HNF4G: variants seen among roughly 807,000 people sequenced by gnomAD.
The protein encoded by HNF4G is hepatocyte nuclear factor 4-gamma.
In HNF4G, 21 loss-of-function variants were observed where a neutral mutation model predicts 50.9. The ratio of observed to expected loss-of-function variants is 0.41; its 90% CI spans 0.29 to 0.59. The LOEUF (loss-of-function observed/expected upper bound fraction) is 0.59. Ranked by LOEUF, HNF4G falls within the 20% of genes least tolerant of loss-of-function variation. HNF4G has a pLI of 0.26. For synonymous variants in HNF4G, 198 were observed against 185.6 expected, an observed-to-expected ratio of 1.07 and a Z score of -0.54; for missense variants, 527 against 559.4, an observed-to-expected ratio of 0.94 and a Z score of 0.58.
intron 3 of HNF4G, among the ~76,000 whole-genome samples, chr8:75,548,919 G>A (rs1009373370): frequency 7.9e-5 from 12 of 152,198 alleles, no homozygotes; most frequent in African/African-American, 2.9e-4. Flanking sequence ...CAAAATTAAA[G>A]GAGAAGCACT....
intron 1 of HNF4G, among the ~76,000 whole-genome samples, chr8:75,439,693 T>C (rs573308875): frequency 2.6e-5 from 4 of 152,180 alleles, no homozygotes; most frequent in Non-Finnish European, 5.9e-5. Flanking sequence ...AGTTCACATA[T>C]ATTAAATCAT....
rs191182043 is a variant in HNF4G, at chr8:75,505,072, A to G, written c.-24+14864A>G. 2.2e-3 allele frequency among the ~76,000 whole-genome samples: 338 copies of G among 152,260 alleles called. 2 individuals are homozygous for G. Among genetic ancestry groups the G allele is most frequent in the African/African-American group, 7.9e-3 (327 of 41,570 alleles). On this transcript the variant is annotated intron_variant, in intron 2 of 10. Transcript: ENST00000354370. ...AGTATCACTGAGAAATTTTCTTTTC[A>G]GAGGGTTTTATGGATAATTTACTAG...
chr8:75,450,926 C>A (rs1316343285), intron 1 of HNF4G, among the ~76,000 whole-genome samples: 1 of 152,114 alleles, frequency 6.6e-6, no homozygotes, highest in African/African-American at 2.4e-5. Flanking sequence ...GTCTTTCCAC[C>A]CTCCGCCATG....
chr8:75,435,406 A>T (rs1811112237), intron 1 of HNF4G, among the ~76,000 whole-genome samples: 2 of 152,198 alleles, frequency 1.3e-5, no homozygotes, highest in African/African-American at 4.8e-5. Flanking sequence ...GACTATCTTT[A>T]CTATAATAAA....
chr8:75,521,073 A>G (rs1211784495), intron 2 of HNF4G, among the ~76,000 whole-genome samples: 6 of 152,180 alleles, frequency 3.9e-5, no homozygotes, highest in Non-Finnish European at 8.8e-5. Context: ...TATTATCTCA[A>G]GTGGATATAT....
chr8:75,413,360 A>AGGGGAGGGGGGGG (rs1420641611), intron 1 of HNF4G, among the ~76,000 whole-genome samples: 1 of 99,338 alleles, frequency 1.0e-5, no homozygotes. Context: ...GGAGGGGAAT[A>AGGGGAGGGGGGGG]GTGAGAACTA....
At chr8:75,416,558 C>T (rs2130475707) in intron 1 of HNF4G, among the ~76,000 whole-genome samples, 1 of 151,990 alleles carries the variant, frequency 6.6e-6, no homozygotes, top group Non-Finnish European at 1.5e-5. Flanking sequence ...ATGCTGTACC[C>T]TTAAAAGGAA....
At chr8:75,554,464 A>C (rs1043186509) in intron 5 of HNF4G, among the ~76,000 whole-genome samples, 19 of 152,176 alleles carry the variant, frequency 1.2e-4, no homozygotes, top group African/African-American at 4.6e-4. Context: ...GTTATGAATA[A>C]GGCATGGGAA....
intron 1 of HNF4G, 147 bp downstream of exon 1, chr8:75,540,227 A>C: frequency 1.8e-6 from 1 of 544,672 alleles, no homozygotes; most frequent in South Asian, 2.5e-5. Flanking sequence ...GAGCTTTTGC[A>C]CTTCATTACA....
chr8:75,517,732 G>A (rs573200273), intron 2 of HNF4G, among the ~76,000 whole-genome samples: 36 of 152,220 alleles, frequency 2.4e-4, no homozygotes, highest in African/African-American at 5.8e-4. Context: ...TAAGTTCTGC[G>A]GCTTTTCCAG....
rs541286045 is a variant in HNF4G, at chr8:75,444,190, T to C, written c.-144+36028T>C. Among the ~76,000 whole-genome samples, 822 of 151,672 alleles carry C rather than the reference T, an allele frequency of 5.4e-3. 4 individuals are homozygous for C. Among genetic ancestry groups the C allele is most frequent in the Non-Finnish European group, 6.8e-3 (462 of 67,878 alleles). ...ATCCAGCCAAACTAAGCTTCATAAG[T>C]GAAGGAGAAATAAAATCCTTTACAG... On this transcript the variant is annotated intron_variant, in intron 1 of 10. Coordinates refer to the HNF4G transcript ENST00000354370.
intron 2 of HNF4G, among the ~76,000 whole-genome samples, chr8:75,546,403 T>C (rs1472992138): frequency 6.6e-6 from 1 of 152,122 alleles, no homozygotes; most frequent in Non-Finnish European, 1.5e-5. Context: ...TGGTTAAGTA[T>C]ACAAGTCAGT....
chr8:75,471,657 TG>T (rs1812117409), intron 1 of HNF4G, among the ~76,000 whole-genome samples: 1 of 152,156 alleles, frequency 6.6e-6, no homozygotes, highest in African/African-American at 2.4e-5. Context: ...GGCAGTTTGG[TG>T]TGATGGAAAG....
At chr8:75,431,675 C>T (rs1322897797) in intron 1 of HNF4G, among the ~76,000 whole-genome samples, 1 of 152,218 alleles carries the variant, frequency 6.6e-6, no homozygotes, top group East Asian at 1.9e-4. Context: ...CGCCTGTAAT[C>T]CCAGCACTTT....
intron 1 of HNF4G, among the ~76,000 whole-genome samples, chr8:75,488,335 G>A (rs1016272707): frequency 7.2e-5 from 11 of 152,174 alleles, no homozygotes; most frequent in African/African-American, 2.4e-4. Context: ...GTGCGGTGGC[G>A]TGTTCTTGGC....
chr8:75,523,440 T>C (rs565382348), intron 2 of HNF4G, among the ~76,000 whole-genome samples: 36 of 152,264 alleles, frequency 2.4e-4, no homozygotes, highest in South Asian at 4.1e-4. Flanking sequence ...TAAGAAAATA[T>C]TTTAATCTTT....
chr8:75,433,256 A>C (rs1211390611), intron 1 of HNF4G, among the ~76,000 whole-genome samples: 1 of 151,896 alleles, frequency 6.6e-6, no homozygotes, highest in Non-Finnish European at 1.5e-5. Flanking sequence ...AAAAAGAAAA[A>C]AATTAGCCAG....
intron 2 of HNF4G, among the ~76,000 whole-genome samples, chr8:75,523,181 C>G (rs1024682877): frequency 1.3e-5 from 2 of 151,752 alleles, no homozygotes; most frequent in African/African-American, 4.8e-5. Flanking sequence ...GCCGAGATCG[C>G]GCCACTGCAC....
chr8:75,525,283 C>T (rs915147258), intron 2 of HNF4G, among the ~76,000 whole-genome samples: 32 of 152,168 alleles, frequency 2.1e-4, no homozygotes, highest in African/African-American at 7.7e-4. Flanking sequence ...ATTCTCCTGC[C>T]TCAGCCTCCT....
Sources: gnomAD v4.1 joint callset for allele counts (sites outside exome capture counted in the v4.1 genomes callset) on GRCh38, gnomAD v4.1.1 for gene constraint, MANE v1.5 for transcripts, NCBI Gene and HGNC (gene_info 2026-07-23, HGNC 2026-07-21) for gene names.